MARK3: variants seen among roughly 807,000 people sequenced by gnomAD.
MARK3 encodes the protein microtubule affinity regulating kinase 3, also known as MAP/microtubule affinity-regulating kinase 3.
In MARK3, 46 loss-of-function variants were observed where a neutral mutation model predicts 90.1. The observed-to-expected ratio is 0.51, with a 90% confidence interval of 0.40 to 0.65. MARK3 has a LOEUF of 0.65. Ranked by LOEUF, MARK3 falls within the 30% of genes least tolerant of loss-of-function variation. The pLI is 0.00. For synonymous variants in MARK3, 321 were observed against 332.6 expected, an observed-to-expected ratio of 0.97 and a Z score of 0.38; for missense variants, 818 against 947.2, an observed-to-expected ratio of 0.86 and a Z score of 1.79.
intron 15 of MARK3, among the ~76,000 whole-genome samples, chr14:103,493,399 A>G (rs927990610): frequency 3.3e-5 from 5 of 151,958 alleles, no homozygotes; most frequent in African/African-American, 9.7e-5. Flanking sequence ...CAGACGCATC[A>G]GAAGGTTTCT....
In MARK3 at chr14:103,467,936, G is replaced by A. The variant is rs548519785; in HGVS notation, c.1111-97G>A. 736 of 1,168,754 alleles carry A rather than the reference G, an allele frequency of 6.3e-4. 8 individuals carry two copies. The South Asian group carries it at 6.7e-3, about 11-fold the overall frequency. 72.4% of individuals were successfully genotyped at this position (1,168,754 alleles called of 1,614,324 possible). A position where few individuals can be genotyped will look rare whatever the true frequency, so the allele number is the denominator to read the frequency against. On this transcript the variant is annotated intron_variant, in intron 11 of 17. Transcript: ENST00000429436. The stretch of plus-strand genomic sequence containing the variant: ...TGATTCCTCCTCTCTCTGAATGAAC[G>A]GTTTATGAGAGGTCTGTGTTAATGA...
intron 3 of MARK3, among the ~76,000 whole-genome samples, chr14:103,434,115 C>T (rs911758917): frequency 6.6e-6 from 1 of 152,154 alleles, no homozygotes; most frequent in Non-Finnish European, 1.5e-5. Context: ...ACTTAACACT[C>T]TGGGAGGATA....
intron 4 of MARK3, among the ~76,000 whole-genome samples, chr14:103,449,595 G>C (rs922853574): frequency 6.6e-6 from 1 of 152,120 alleles, no homozygotes; most frequent in Non-Finnish European, 1.5e-5. Flanking sequence ...TGTTTTCTGT[G>C]TCCTCTGTGT....
intron 7 of MARK3, among the ~76,000 whole-genome samples, chr14:103,465,023 A>G (rs1217420194): frequency 6.6e-6 from 1 of 152,158 alleles, no homozygotes; most frequent in South Asian, 2.1e-4. Context: ...GCTGGAGTGC[A>G]GTGGCACGAT....
At chr14:103,472,522 C>T (rs918205083) in intron 12 of MARK3, among the ~76,000 whole-genome samples, 17 of 151,542 alleles carry the variant, frequency 1.1e-4, no homozygotes, top group African/African-American at 4.1e-4. Flanking sequence ...TGTCAAGTGC[C>T]TGTAGTCCTA....
At chr14:103,387,987 C>G (rs531752192) in intron 1 of MARK3, among the ~76,000 whole-genome samples, 16 of 151,820 alleles carry the variant, frequency 1.1e-4, no homozygotes, top group African/African-American at 3.9e-4. Flanking sequence ...GCTGGAGTGC[C>G]GTGGCATGAT....
intron 3 of MARK3, among the ~76,000 whole-genome samples, chr14:103,445,058 C>T (rs1039721645): frequency 2.0e-5 from 3 of 152,090 alleles, no homozygotes; most frequent in Non-Finnish European, 4.4e-5. Flanking sequence ...TCTATATCAG[C>T]AGCTTATAAT....
At chr14:103,415,680 G>A (rs962702281) in intron 2 of MARK3, among the ~76,000 whole-genome samples, 3 of 152,120 alleles carry the variant, frequency 2.0e-5, no homozygotes, top group East Asian at 3.9e-4. Context: ...CCCCTCACAC[G>A]AACTACAGAA....
chr14:103,468,756 C>G (rs1216709955), intron 12 of MARK3, among the ~76,000 whole-genome samples: 1 of 150,686 alleles, frequency 6.6e-6, no homozygotes, highest in Non-Finnish European at 1.5e-5. Flanking sequence ...ACCATTTGCC[C>G]TTCTAGAACC....
intron 1 of MARK3, 50 bp from the exon 2 acceptor site, chr14:103,405,026 A>G (rs1035562010): frequency 2.0e-5 from 29 of 1,470,476 alleles, no homozygotes; most frequent in South Asian, 2.4e-5. Context: ...GAACTTGGCA[A>G]GTACTCTGTG....
At chr14:103,399,250 A>G (rs1357760828) in intron 1 of MARK3, among the ~76,000 whole-genome samples, 1 of 152,144 alleles carries the variant, frequency 6.6e-6, no homozygotes, top group Non-Finnish European at 1.5e-5. Context: ...TGCTTCTTTT[A>G]TATGTGGGCA....
At chr14:103,419,721 C>A (rs1566809476) in intron 2 of MARK3, among the ~76,000 whole-genome samples, 1 of 152,052 alleles carries the variant, frequency 6.6e-6, no homozygotes, top group Non-Finnish European at 1.5e-5. Context: ...CAAGTGGTTT[C>A]TTGGGGGTGG....
chr14:103,466,086 C>G lies in MARK3; in HGVS notation c.892C>G (p.Leu298Val), dbSNP rs1337064741. Residue 298 changes from leucine (L) to valine (V), a missense_variant, in exon 9 of 18, where the codon CTA (leucine) becomes GTA (valine). Transcript: ENST00000429436. ...GCTAAATCCAATTAAACGCGGCACT[C>G]TAGAGGTAATCATGTAGGTGGAAAC... Reference protein sequence around the residue: ...LVLNPIKRGTLEQIMKDRWIN... With the variant: ...LVLNPIKRGTVEQIMKDRWIN... 5.6e-6 allele frequency: 9 copies of G among 1,613,476 alleles called. No individual in the cohort carries two copies. Among genetic ancestry groups the G allele is most frequent in the Non-Finnish European group, 7.6e-6 (9 of 1,179,872 alleles).
rs760178973 is a variant in MARK3 at position 103,457,225 on chromosome 14, G to A, written c.483+13G>A. ...TAAATTTAGACAGGTATGAATTAAT[G>A]TGTCTTTACTATGTCAATTTGATAA... On this transcript the variant is annotated intron_variant, in intron 6 of 17. Transcript: ENST00000429436. The A allele has an allele frequency of 6.4e-6, 10 of 1,565,662 alleles. No homozygotes were observed. The highest frequency in any genetic ancestry group is 4.4e-5 in the South Asian group (4 of 89,938).
chr14:103,403,159 T>TA, intron 1 of MARK3, among the ~76,000 whole-genome samples: 1 of 151,060 alleles, frequency 6.6e-6, no homozygotes, highest in African/African-American at 2.4e-5. Flanking sequence ...AATTTGAAAA[T>TA]ACATGTTTAC....
chr14:103,472,916 G>C (rs1020660412), intron 12 of MARK3, among the ~76,000 whole-genome samples: 1 of 151,514 alleles, frequency 6.6e-6, no homozygotes, highest in African/African-American at 2.4e-5. Flanking sequence ...TGAGGCAGGA[G>C]AATCGCTTGA....
chr14:103,427,908 A>G (rs1035072519), intron 2 of MARK3, among the ~76,000 whole-genome samples: 1 of 152,120 alleles, frequency 6.6e-6, no homozygotes, highest in Non-Finnish European at 1.5e-5. Context: ...TCTTCTGCCA[A>G]GCTCCTCCTA....
chr14:103,482,839 T>C (rs2093851039), intron 14 of MARK3, among the ~76,000 whole-genome samples: 1 of 152,228 alleles, frequency 6.6e-6, no homozygotes, highest in Non-Finnish European at 1.5e-5. Context: ...ACCTGCCTTG[T>C]TGGGGCCAAC....
rs113855932 is a variant in MARK3 at position 103,405,287 on chromosome 14, A to G, written c.243+20A>G. The G allele has an allele frequency of 2.6e-4, 384 of 1,478,196 alleles. 1 individual carries two copies. The African/African-American group carries it at 4.9e-3, about 19-fold the overall frequency. 91.6% of individuals were successfully genotyped at this position (1,478,196 alleles called of 1,614,324 possible). A position where few individuals can be genotyped will look rare whatever the true frequency, so the allele number is the denominator to read the frequency against. On this transcript the variant is annotated intron_variant, in intron 2 of 17. Transcript: ENST00000429436. ...AGAGAGGTAAATACCAGTTATGCTTATTTCTGTTATGACAGTTGCTCTGTT... is the reference window on the plus strand; with the variant it reads ...AGAGAGGTAAATACCAGTTATGCTTGTTTCTGTTATGACAGTTGCTCTGTT...
Sources: allele counts gnomAD v4.1 joint callset (sites outside exome capture counted in the v4.1 genomes callset), GRCh38; gene constraint gnomAD v4.1.1; transcripts MANE v1.5; gene names NCBI Gene and HGNC (gene_info 2026-07-23, HGNC 2026-07-21).